DISP1: variants seen among roughly 807,000 people sequenced by gnomAD.
DISP1 encodes the protein protein dispatched homolog 1.
DISP1 carries 30 observed loss-of-function variants against 37.3 expected under a neutral mutation model. That is an observed-to-expected ratio of 0.80 (90% confidence interval 0.60 to 1.09). DISP1 has a LOEUF of 1.09. Among genes scored for constraint, DISP1 ranks in the 50% least tolerant of loss-of-function variants. The pLI is 0.00. For missense variants in DISP1, 1,598 were observed against 1,879.5 expected, an observed-to-expected ratio of 0.85 and a Z score of 2.77; for synonymous variants, 634 against 690.2, an observed-to-expected ratio of 0.92 and a Z score of 1.28.
intron 1 of DISP1, among the ~76,000 whole-genome samples, chr1:222,843,098 C>T (rs201380945): frequency 1.3e-5 from 2 of 151,970 alleles, no homozygotes; most frequent in East Asian, 3.9e-4. Flanking sequence ...GGACTTTAAT[C>T]TCTCACTTGA....
Position 223,001,690 on chromosome 1 carries a change from G to A in DISP1, c.988-695G>A, listed in dbSNP as rs181766102. On this transcript the variant is annotated intron_variant, in intron 8 of 8. Coordinates refer to ENST00000675850, the MANE Select transcript of DISP1 (RefSeq NM_001377229.1). ...GTTCCTCATAGATGGGGCATTCTAC[G>A]TGTCCTCATGACCTCTTATAAAAGC... Among the ~76,000 whole-genome samples, 301 of 152,236 alleles carry A rather than the reference G, an allele frequency of 2.0e-3. 3 individuals carry two copies. The Middle Eastern group carries it at 0.031, about 15-fold the overall frequency.
intron 1 of DISP1, among the ~76,000 whole-genome samples, chr1:222,819,848 T>C (rs1662359673): frequency 1.3e-5 from 2 of 151,938 alleles, no homozygotes; most frequent in Admixed American, 6.6e-5. Context: ...GCTAATATGT[T>C]GTATATATAT....
intron 3 of DISP1, among the ~76,000 whole-genome samples, chr1:222,953,857 C>G (rs547916878): frequency 6.6e-6 from 1 of 152,108 alleles, no homozygotes; most frequent in Non-Finnish European, 1.5e-5. Flanking sequence ...TCAAGGAATA[C>G]ATTGTACATT....
intron 1 of DISP1, among the ~76,000 whole-genome samples, chr1:222,904,863 G>T (rs1450091411): frequency 6.6e-6 from 1 of 152,060 alleles, no homozygotes; most frequent in Non-Finnish European, 1.5e-5. Context: ...ACTGCCCCTG[G>T]CCTCATATTT....
In DISP1 at chr1:223,004,622, T is replaced by C. The variant is rs748600462; in HGVS notation, c.3225T>C (p.Ser1075=). The change falls in exon 9 of 9, where the codon TCT becomes TCC. Residue 1075 remains serine, a synonymous_variant. Transcript: ENST00000675850. This position sits in a 1 kb window ranked among gnomAD's most constrained non-coding sequence, Gnocchi z 4.9. The part of the protein sequence containing the change: ...DPDREGKVIF[S]LSRVGSAMAM... ...ACCGAGAAGGCAAAGTGATCTTCTC[T>C]CTGAGTCGCGTGGGCTCTGCGATGG... is the stretch of plus-strand genomic sequence containing the variant. The C allele has an allele frequency of 3.1e-6, 5 of 1,613,874 alleles. No individual in the cohort carries two copies. The highest frequency in any genetic ancestry group is 2.7e-5 in the African/African-American group (2 of 74,906).
intron 4 of DISP1, among the ~76,000 whole-genome samples, chr1:222,986,129 A>T (rs1308880646): frequency 6.6e-6 from 1 of 152,212 alleles, no homozygotes; most frequent in Non-Finnish European, 1.5e-5. Flanking sequence ...TGACTTGGGC[A>T]GTTCAGAAAA....
intron 2 of DISP1, among the ~76,000 whole-genome samples, chr1:222,936,494 A>G (rs1673731129): frequency 6.8e-6 from 1 of 147,228 alleles, no homozygotes; most frequent in African/African-American, 2.5e-5. Context: ...CTCTGATGAC[A>G]CTTTTCTCTT....
At chr1:222,885,219 T>G (rs1182563885) in intron 1 of DISP1, among the ~76,000 whole-genome samples, 1 of 152,232 alleles carries the variant, frequency 6.6e-6, no homozygotes, top group East Asian at 1.9e-4. Flanking sequence ...CTTCCTCATT[T>G]GTTTATGTAA....
intron 2 of DISP1, among the ~76,000 whole-genome samples, chr1:222,937,214 T>G (rs1462744760): frequency 6.7e-6 from 1 of 150,374 alleles, no homozygotes; most frequent in Non-Finnish European, 1.5e-5. Context: ...CTCAGCCTCC[T>G]GAGTCGCTCG....
chr1:222,893,514 G>A lies in DISP1; in HGVS notation c.-158-34916G>A, dbSNP rs1425353819. On this transcript the variant is annotated intron_variant, in intron 1 of 8. Transcript: ENST00000675850. The surrounding 1 kb of genome is among the most constrained non-coding windows in gnomAD (Gnocchi z 4.3). ...GGGCTGTGTGGGCGAGTGAGTGTGA[G>A]GTCTGGCTGCTGTGCACAGACAGCT... 3.9e-5 allele frequency among the ~76,000 whole-genome samples: 6 copies of A among 152,226 alleles called. No individual in the cohort carries two copies. The highest frequency in any genetic ancestry group is 8.8e-5 in the Non-Finnish European group (6 of 68,034).
chr1:222,981,821 G>T (rs1410206534), intron 3 of DISP1, among the ~76,000 whole-genome samples: 1 of 152,088 alleles, frequency 6.6e-6, no homozygotes, highest in Non-Finnish European at 1.5e-5. Flanking sequence ...TTTTAAGAAA[G>T]AGTATGTAGC....
Position 223,004,876 on chromosome 1 carries a change from C to G in DISP1, c.3479C>G (p.Thr1160Arg). Reference sequence around the variant, plus strand: ...AGTGCCTTTTCCCATGCCTTGTCTACAAGTCCCAGTGACAAGGGACAAAGC... The same window carrying G: ...AGTGCCTTTTCCCATGCCTTGTCTAGAAGTCCCAGTGACAAGGGACAAAGC... ...QCSAFSHALSTSPSDKGQSKT... is the reference protein window; with the variant it reads ...QCSAFSHALSRSPSDKGQSKT... The change falls in exon 9 of 9, where the codon ACA becomes AGA. Residue 1160 changes from threonine (T) to arginine (R), a missense_variant. Coordinates refer to ENST00000675850, the MANE Select transcript of DISP1 (RefSeq NM_001377229.1). This position sits in a 1 kb window ranked among gnomAD's most constrained non-coding sequence, Gnocchi z 4.9. 1.2e-6 allele frequency: 2 copies of G among 1,609,146 alleles called. No homozygotes were observed. Among genetic ancestry groups the G allele is most frequent in the Non-Finnish European group, 1.7e-6 (2 of 1,179,986 alleles).
At position 222,907,673 on chromosome 1, in the gene DISP1, C is replaced by T. The variant is rs567899836; in HGVS notation, c.-158-20757C>T. On this transcript the variant is annotated intron_variant, in intron 1 of 8. Transcript: ENST00000675850. ...AATGATTTAAAGATTTGATTATGGC[C>T]GGGTGCAGTGGCTCATGCCTGTAAT... 1.5e-3 allele frequency among the ~76,000 whole-genome samples: 232 copies of T among 152,286 alleles called. 1 individual carries two copies. Among genetic ancestry groups the T allele is most frequent in the Non-Finnish European group, 2.6e-3 (174 of 68,022 alleles).
chr1:222,863,219 G>T (rs367916935), intron 1 of DISP1, among the ~76,000 whole-genome samples: 1 of 151,918 alleles, frequency 6.6e-6, no homozygotes, highest in Non-Finnish European at 1.5e-5. Flanking sequence ...TATTTTCCTT[G>T]GTGTAATTTG....
chr1:222,853,458 A>G (rs923692496), intron 1 of DISP1, among the ~76,000 whole-genome samples: 6 of 152,334 alleles, frequency 3.9e-5, no homozygotes, highest in Admixed American at 2.0e-4. Flanking sequence ...TTATTGCAGC[A>G]TTATTCACAA....
rs529305189 is a variant in DISP1 at position 222,925,816 on chromosome 1, G to A, written c.-158-2614G>A. Among the ~76,000 whole-genome samples the A allele has an allele frequency of 1.6e-4, 25 of 152,260 alleles. No homozygotes were observed. In the South Asian group the frequency reaches 2.3e-3, roughly 14 times the overall value. On this transcript the variant is annotated intron_variant, in intron 1 of 8. Coordinates refer to ENST00000675850, the MANE Select transcript of DISP1 (RefSeq NM_001377229.1). ...TCAGAATTCTGGGGGATGGGACTCAGGAATCTCTGTTTTCATCAGCCCTCC... is the reference window on the plus strand; with the variant it reads ...TCAGAATTCTGGGGGATGGGACTCAAGAATCTCTGTTTTCATCAGCCCTCC...
chr1:222,843,556 T>C (rs1667726753), intron 1 of DISP1, among the ~76,000 whole-genome samples: 1 of 142,202 alleles, frequency 7.0e-6, no homozygotes, highest in African/African-American at 2.5e-5. Context: ...CCTTCTCTAA[T>C]GAAGGATGGG....
At chr1:222,998,806 G>C (rs1307150258) in intron 8 of DISP1, among the ~76,000 whole-genome samples, 1 of 152,124 alleles carries the variant, frequency 6.6e-6, no homozygotes, top group Non-Finnish European at 1.5e-5. Context: ...CTGTTTACTA[G>C]GGTGACTTTT....
At chr1:222,832,587 T>A (rs1323844939) in intron 1 of DISP1, among the ~76,000 whole-genome samples, 2 of 152,204 alleles carry the variant, frequency 1.3e-5, no homozygotes, top group Non-Finnish European at 2.9e-5. Flanking sequence ...AATTTAATTT[T>A]AAGTCAAATT....
Sources: gnomAD v4.1 joint callset for allele counts (sites outside exome capture counted in the v4.1 genomes callset) on GRCh38, gnomAD v4.1.1 for gene constraint, Gnocchi (gnomAD v3.1) non-coding constraint, MANE v1.5 for transcripts, NCBI Gene and HGNC (gene_info 2026-07-23, HGNC 2026-07-21) for gene names.